The following EYS variants were observed in gnomAD, a reference collection of about 807,000 sequenced individuals.
The protein encoded by EYS is protein eyes shut homolog.
A neutral mutation model predicts 282.1 loss-of-function variants in EYS; 250 were observed. The ratio of observed to expected loss-of-function variants is 0.89; its 90% CI spans 0.80 to 0.98. The LOEUF (loss-of-function observed/expected upper bound fraction) is 0.98, where lower values mean the gene tolerates loss of function less well. Ranked by LOEUF, EYS falls within the 50% of genes least tolerant of loss-of-function variation. The pLI, the probability that EYS is intolerant of heterozygous loss-of-function variation, is 0.00. For missense variants in EYS, 4,016 were observed against 3,709.0 expected, an observed-to-expected ratio of 1.08 and a Z score of -2.15; for synonymous variants, 1,355 against 1,282.9, an observed-to-expected ratio of 1.06 and a Z score of -1.20.
At chr6:64,269,910 A>T (rs1767885390) in intron 30 of EYS, among the ~76,000 whole-genome samples, 1 of 152,108 alleles carries the variant, frequency 6.6e-6, no homozygotes, top group Non-Finnish European at 1.5e-5. Flanking sequence ...TTTGTAGTAA[A>T]AAAAAGGACA....
intron 5 of EYS, among the ~76,000 whole-genome samples, chr6:65,443,344 A>G (rs966719172): frequency 2.1e-5 from 3 of 140,604 alleles, no homozygotes; most frequent in African/African-American, 4.9e-5. Flanking sequence ...GTATGTACAC[A>G]TATAGACATA....
At chr6:65,531,993 C>A (rs977460967) in intron 2 of EYS, among the ~76,000 whole-genome samples, 1 of 151,954 alleles carries the variant, frequency 6.6e-6, no homozygotes, top group Non-Finnish European at 1.5e-5. Context: ...GGATAATATA[C>A]GTTAAAATTC....
intron 30 of EYS, among the ~76,000 whole-genome samples, chr6:64,246,018 CAAAAAAAA>C (rs60121734): frequency 7.1e-5 from 4 of 56,200 alleles, no homozygotes; most frequent in East Asian, 7.4e-4. Context: ...AACTCCGTCT[CAAAAAAAA>C]AAAAAAAAAA....
intron 36 of EYS, among the ~76,000 whole-genome samples, chr6:63,861,649 C>T (rs1772534148): frequency 1.3e-5 from 2 of 152,096 alleles, no homozygotes; most frequent in African/African-American, 4.8e-5. Flanking sequence ...CATGTTAAAA[C>T]CTAACTGCCA....
At chr6:64,731,347 A>G (rs1771957789) in intron 22 of EYS, among the ~76,000 whole-genome samples, 2 of 152,126 alleles carry the variant, frequency 1.3e-5, no homozygotes, top group South Asian at 2.1e-4. Flanking sequence ...ACAAAAAAAC[A>G]AAAAACAAAA....
intron 30 of EYS, among the ~76,000 whole-genome samples, chr6:64,241,678 TG>T: frequency 6.6e-6 from 1 of 152,030 alleles, no homozygotes; most frequent in Non-Finnish European, 1.5e-5. Context: ...TGTGTGTGTG[TG>T]TGTCTCTTTC....
At chr6:63,784,204 A>C (rs1770308239) in intron 39 of EYS, among the ~76,000 whole-genome samples, 1 of 152,006 alleles carries the variant, frequency 6.6e-6, no homozygotes, top group African/African-American at 2.4e-5. Flanking sequence ...CAGGTTGCTG[A>C]CTGTGGATTT....
In EYS at chr6:64,297,431, C is replaced by T. The variant is rs887802888; in HGVS notation, c.6191+9539G>A. The stretch of plus-strand genomic sequence containing the variant: ...GAAGACTTGAGAAGTCTTTAAGAAA[C>T]TCCATGTAAAACAACAACCTCAGAG... On this transcript the variant is annotated intron_variant, in intron 30 of 42. Transcript: ENST00000503581. 2.2e-4 allele frequency among the ~76,000 whole-genome samples: 34 copies of T among 152,296 alleles called. 2 individuals are homozygous for T. Among genetic ancestry groups the T allele is most frequent in the Admixed American group, 2.2e-3 (33 of 15,306 alleles).
intron 30 of EYS, among the ~76,000 whole-genome samples, chr6:64,253,695 C>G (rs1411259334): frequency 1.3e-5 from 2 of 152,134 alleles, no homozygotes; most frequent in African/African-American, 4.8e-5. Context: ...CCTGAACCAG[C>G]AGGACCCTTG....
At chr6:65,571,300 G>A (rs1169550240) in intron 2 of EYS, among the ~76,000 whole-genome samples, 1 of 151,930 alleles carries the variant, frequency 6.6e-6, no homozygotes, top group East Asian at 1.9e-4. Context: ...TGAGAGGTAA[G>A]TTATGGCAAG....
At chr6:65,465,784 C>A (rs898525225) in intron 5 of EYS, among the ~76,000 whole-genome samples, 6 of 152,078 alleles carry the variant, frequency 3.9e-5, no homozygotes, top group African/African-American at 1.2e-4. Context: ...GAGTTCACAA[C>A]CAGCCTGGGC....
intron 5 of EYS, among the ~76,000 whole-genome samples, chr6:65,437,367 C>T (rs896274025): frequency 1.3e-5 from 2 of 151,956 alleles, no homozygotes; most frequent in Non-Finnish European, 2.9e-5. Context: ...CAAATTCATG[C>T]ATGAACATTA....
At chr6:64,455,652 T>C (rs536739040) in intron 26 of EYS, among the ~76,000 whole-genome samples, 2 of 152,166 alleles carry the variant, frequency 1.3e-5, no homozygotes. Context: ...CCCTTCCCTG[T>C]GTCTATGTGT....
At chr6:65,274,767 A>G (rs181680851) in intron 12 of EYS, among the ~76,000 whole-genome samples, 4 of 152,266 alleles carry the variant, frequency 2.6e-5, no homozygotes, top group Admixed American at 1.3e-4. Flanking sequence ...ACATTTACAT[A>G]TCAGAGGGTA....
At chr6:64,489,514 T>G (rs1483958604) in intron 26 of EYS, among the ~76,000 whole-genome samples, 1 of 147,676 alleles carries the variant, frequency 6.8e-6, no homozygotes, top group Non-Finnish European at 1.5e-5. Context: ...ACTATAGATT[T>G]TATATTAAAA....
chr6:64,564,216 G>T (rs1208178288), intron 26 of EYS, among the ~76,000 whole-genome samples: 2 of 145,916 alleles, frequency 1.4e-5, no homozygotes, highest in African/African-American at 5.0e-5. Flanking sequence ...TCTACCAACA[G>T]TGTGCAAGGG....
chr6:64,522,986 T>C (rs530707071), intron 26 of EYS, among the ~76,000 whole-genome samples: 1 of 151,860 alleles, frequency 6.6e-6, no homozygotes, highest in African/African-American at 2.4e-5. Context: ...CATTTTCTTT[T>C]GTCTTTTCAA....
intron 1 of EYS, among the ~76,000 whole-genome samples, chr6:65,696,867 G>T (rs1769475342): frequency 6.6e-6 from 1 of 151,984 alleles, no homozygotes; most frequent in Admixed American, 6.6e-5. Context: ...TACTTAGAGT[G>T]TAGAATTCTT....
At chr6:65,364,679 G>C (rs994669775) in intron 8 of EYS, among the ~76,000 whole-genome samples, 4 of 151,450 alleles carry the variant, frequency 2.6e-5, no homozygotes, top group African/African-American at 9.7e-5. Flanking sequence ...TCTCTCCTGG[G>C]TTAATTTGGG....
Sources: allele counts gnomAD v4.1 joint callset (sites outside exome capture counted in the v4.1 genomes callset), GRCh38; gene constraint gnomAD v4.1.1; transcripts MANE v1.5; gene names NCBI Gene and HGNC (gene_info 2026-07-23, HGNC 2026-07-21).